Variants in CDH18 observed in about 807,000 individuals in gnomAD.
CDH18 encodes cadherin-18.
Under a neutral mutation model 67.9 loss-of-function variants are expected in CDH18, and 31 were observed. The observed-to-expected ratio is 0.46, with a 90% CI of 0.34 to 0.62. The LOEUF (loss-of-function observed/expected upper bound fraction) is 0.62, where lower values mean the gene tolerates loss of function less well. Ranked by LOEUF, CDH18 falls within the 20% of genes least tolerant of loss-of-function variation. The pLI is 0.01. For missense variants in CDH18, 890 were observed against 975.5 expected, an observed-to-expected ratio of 0.91 and a Z score of 1.17; for synonymous variants, 362 against 347.2, an observed-to-expected ratio of 1.04 and a Z score of -0.48.
chr5:20,005,585 T>C (rs778679181), intron 2 of CDH18, among the ~76,000 whole-genome samples: 9 of 151,782 alleles, frequency 5.9e-5, no homozygotes, highest in Non-Finnish European at 1.3e-4. Context: ...TGCATACATA[T>C]ACACACACAT....
At chr5:19,751,131 G>A (rs962239715) in intron 3 of CDH18, among the ~76,000 whole-genome samples, 3 of 152,078 alleles carry the variant, frequency 2.0e-5, no homozygotes, top group African/African-American at 4.8e-5. Flanking sequence ...GAAAGCCAGC[G>A]TGACTCACAT....
intron 2 of CDH18, among the ~76,000 whole-genome samples, chr5:20,140,608 T>A (rs1395167159): frequency 5.9e-5 from 9 of 152,172 alleles, no homozygotes; most frequent in African/African-American, 2.4e-5. Flanking sequence ...AAATGTTACT[T>A]TGAGTACTCC....
intron 1 of CDH18, among the ~76,000 whole-genome samples, chr5:20,340,445 C>T (rs1365253836): frequency 6.6e-6 from 1 of 152,138 alleles, no homozygotes; most frequent in Non-Finnish European, 1.5e-5. Flanking sequence ...CTGAGCTGCA[C>T]CTGTTAATTG....
At chr5:20,244,486 C>CA (rs202178045) in intron 2 of CDH18, among the ~76,000 whole-genome samples, 2,340 of 152,118 alleles carry the variant, frequency 0.015, 30 homozygotes, top group Middle Eastern at 0.031. Flanking sequence ...ATCATTGCAA[C>CA]AGTAGAAAAG....
intron 2 of CDH18, among the ~76,000 whole-genome samples, chr5:20,195,458 A>G (rs1400179867): frequency 3.3e-5 from 5 of 152,016 alleles, no homozygotes; most frequent in African/African-American, 9.7e-5. Flanking sequence ...AGGTCTCAGA[A>G]ACTACCTGTC....
At chr5:19,811,479 G>A (rs1386503769) in intron 3 of CDH18, among the ~76,000 whole-genome samples, 2 of 152,046 alleles carry the variant, frequency 1.3e-5, no homozygotes, top group African/African-American at 4.8e-5. Context: ...TCCCTTCGAA[G>A]GAACCAATCC....
intron 3 of CDH18, among the ~76,000 whole-genome samples, chr5:19,769,290 C>A (rs1388650035): frequency 2.0e-5 from 3 of 151,960 alleles, no homozygotes; most frequent in African/African-American, 2.4e-5. Context: ...CAAAACAAAG[C>A]CAGAATCCTG....
intron 1 of CDH18, among the ~76,000 whole-genome samples, chr5:20,473,368 T>C (rs768154392): frequency 1.3e-5 from 2 of 152,194 alleles, no homozygotes; most frequent in Non-Finnish European, 2.9e-5. Flanking sequence ...ATGTTTAATG[T>C]ATTATTTTGT....
At chr5:19,624,594 C>T (rs1204991374) in intron 5 of CDH18, among the ~76,000 whole-genome samples, 1 of 152,166 alleles carries the variant, frequency 6.6e-6, no homozygotes, top group African/African-American at 2.4e-5. Context: ...TATACACCCT[C>T]CTTCATTCTG....
chr5:20,334,746 TCTCTCATACACACACA>T (rs1428505240), intron 1 of CDH18, among the ~76,000 whole-genome samples: 2 of 130,970 alleles, frequency 1.5e-5, no homozygotes, highest in African/African-American at 6.8e-5. Flanking sequence ...TCTCTCTCTC[TCTCTCATACACACACA>T]CACACACACA....
intron 6 of CDH18, among the ~76,000 whole-genome samples, chr5:19,607,644 C>A (rs1231232032): frequency 6.6e-6 from 1 of 151,218 alleles, no homozygotes; most frequent in African/African-American, 2.4e-5. Flanking sequence ...AATTAAGATA[C>A]TTATAAGTGT....
At chr5:19,995,910 A>G (rs751450767) in intron 2 of CDH18, among the ~76,000 whole-genome samples, 46 of 152,226 alleles carry the variant, frequency 3.0e-4, no homozygotes, top group Admixed American at 5.2e-4. Context: ...GGCGCTATGT[A>G]ATGAAAATTG....
In CDH18 at chr5:19,571,644, G is replaced by T; in HGVS notation, c.1188C>A (p.Ala396=). Residue 396 remains alanine (A), a synonymous_variant, in exon 8 of 13, where the codon GCC becomes GCA. Coordinates refer to ENST00000382275, the MANE Select transcript of CDH18 (RefSeq NM_004934.5). ...PSYLMEVYEN[A]KIGTVVGTVL... ...CTGTACCAACGACGGTCCCAATCTTGGCATTTTCGTAGACTTCCATGAGGT... is the reference window on the plus strand; with the variant it reads ...CTGTACCAACGACGGTCCCAATCTTTGCATTTTCGTAGACTTCCATGAGGT... 1 of 1,613,844 alleles carries T rather than the reference G, an allele frequency of 6.2e-7. No individual in the cohort carries two copies.
chr5:20,394,817 C>T (rs759613487), intron 1 of CDH18, among the ~76,000 whole-genome samples: 95 of 151,486 alleles, frequency 6.3e-4, no homozygotes, highest in Non-Finnish European at 1.2e-3. Flanking sequence ...AAATGGCCAA[C>T]AAACATATGA....
chr5:20,016,224 T>C (rs199760460), intron 2 of CDH18, among the ~76,000 whole-genome samples: 2 of 151,906 alleles, frequency 1.3e-5, no homozygotes, highest in East Asian at 3.9e-4. Flanking sequence ...GAGAACCAAA[T>C]ACCACATGTT....
At chr5:19,796,669 G>T (rs1279905299) in intron 3 of CDH18, among the ~76,000 whole-genome samples, 10 of 151,978 alleles carry the variant, frequency 6.6e-5, no homozygotes, top group Non-Finnish European at 1.0e-4. Context: ...AAATGCAATA[G>T]GCTGTTCTTT....
chr5:20,437,844 T>C (rs1302187405), intron 1 of CDH18, among the ~76,000 whole-genome samples: 2 of 151,332 alleles, frequency 1.3e-5, no homozygotes, highest in Non-Finnish European at 3.0e-5. Context: ...TAATATGTAT[T>C]AGAAAAATCC....
rs1289254935 is a variant in CDH18 at position 19,849,670 on chromosome 5, G to A, written c.-256-10428C>T. On this transcript the variant is annotated intron_variant, in intron 2 of 12. Transcript: ENST00000382275. ...TATATATAAACATATATATATACAC[G>A]CATATATATATAAACATATATATAT... Among the ~76,000 whole-genome samples the A allele has an allele frequency of 1.6e-3, 12 of 7,314 alleles. 1 individual carries two copies. The highest frequency in any genetic ancestry group is 0.062 in the Middle Eastern group (1 of 16). The allele number at this position is 7,314 out of a possible 152,430, so 4.8% of individuals were successfully genotyped here.
At chr5:20,242,519 T>C (rs1385516160) in intron 2 of CDH18, among the ~76,000 whole-genome samples, 2 of 149,288 alleles carry the variant, frequency 1.3e-5, no homozygotes, top group Non-Finnish European at 3.0e-5. Context: ...TCTCTCAGAT[T>C]CATCCAAGTT....
Sources: gnomAD v4.1 joint callset for allele counts (sites outside exome capture counted in the v4.1 genomes callset) on GRCh38, gnomAD v4.1.1 for gene constraint, MANE v1.5 for transcripts, NCBI Gene and HGNC (gene_info 2026-07-23, HGNC 2026-07-21) for gene names.